The following EDA variants were observed in gnomAD, a reference collection of about 807,000 sequenced individuals.
The protein encoded by EDA is ectodysplasin A, also known as ectodysplasin-A.
In EDA, 2 loss-of-function variants were observed where a neutral mutation model predicts 23.6. That is an observed-to-expected ratio of 0.08 (90% CI 0.03 to 0.27). The LOEUF is 0.27. Ranked by LOEUF, EDA falls within the 10% of genes least tolerant of loss-of-function variation. EDA has a pLI of 1.00. For synonymous variants in EDA, 131 were observed against 132.0 expected (o/e 0.99, Z 0.05); for missense variants, 229 against 324.2 (o/e 0.71, Z 2.26).
chrX:69,994,192 A>C (rs1470043171), intron 2 of EDA, among the ~76,000 whole-genome samples: 1 of 111,835 alleles, frequency 8.9e-6, no homozygotes, highest in Non-Finnish European at 1.9e-5. Flanking sequence ...TTTGAGTCCT[A>C]ACTCTGCTTT....
chrX:69,712,282 A>G (rs1214570602), intron 1 of EDA, among the ~76,000 whole-genome samples: 1 of 111,579 alleles, frequency 9.0e-6, no homozygotes, highest in Non-Finnish European at 1.9e-5. Flanking sequence ...GAGTAATTAT[A>G]AATGGTAATG....
At chrX:69,927,343 G>C (rs1298232798) in intron 1 of EDA, among the ~76,000 whole-genome samples, 1 of 111,579 alleles carries the variant, frequency 9.0e-6, no homozygotes, top group African/African-American at 3.3e-5. Context: ...TGCAAGGCAG[G>C]CTGGCAATAA....
chrX:69,867,971 T>A (rs2147605086), intron 1 of EDA, among the ~76,000 whole-genome samples: 1 of 111,933 alleles, frequency 8.9e-6, no homozygotes, highest in South Asian at 3.8e-4. Context: ...TCAGGTCTCA[T>A]GGTGACTTGA....
chrX:69,715,216 T>A (rs6624431), intron 1 of EDA, among the ~76,000 whole-genome samples: 8,882 of 109,285 alleles, frequency 0.081, 984 homozygotes, highest in East Asian at 0.7. Flanking sequence ...CAAGAGTTAT[T>A]TTTTTCTGAT....
At chrX:69,772,272 T>G (rs572001370) in intron 1 of EDA, among the ~76,000 whole-genome samples, 2 of 111,638 alleles carry the variant, frequency 1.8e-5, no homozygotes, top group African/African-American at 6.5e-5. Context: ...TCAAGTACAT[T>G]TTATGTGTCA....
At chrX:70,000,238 G>A (rs946934560) in intron 2 of EDA, among the ~76,000 whole-genome samples, 2 of 112,093 alleles carry the variant, frequency 1.8e-5, no homozygotes, top group Non-Finnish European at 3.8e-5. Flanking sequence ...ATGTAATGGG[G>A]CAAGAAATTG....
chrX:69,869,100 C>T (rs748051405), intron 1 of EDA, among the ~76,000 whole-genome samples: 4 of 111,885 alleles, frequency 3.6e-5, no homozygotes, highest in African/African-American at 1.3e-4. Flanking sequence ...GCTCTAATGG[C>T]TTCCATTTGG....
At chrX:69,751,451 G>C (rs1157076912) in intron 1 of EDA, among the ~76,000 whole-genome samples, 3 of 112,302 alleles carry the variant, frequency 2.7e-5, no homozygotes, top group Non-Finnish European at 5.6e-5. Flanking sequence ...TTTGAAGTCA[G>C]GTAGCGCGAT....
At chrX:69,625,507 T>A (rs1381311355) in intron 1 of EDA, among the ~76,000 whole-genome samples, 3 of 108,685 alleles carry the variant, frequency 2.8e-5, no homozygotes, top group African/African-American at 1.0e-4. Flanking sequence ...GACTGAGAGG[T>A]CAAAAATAAA....
At chrX:69,856,693 T>C (rs1358128561) in intron 1 of EDA, among the ~76,000 whole-genome samples, 1 of 97,602 alleles carries the variant, frequency 1.0e-5, no homozygotes, top group Admixed American at 1.1e-4. Flanking sequence ...TGTCCTTAGC[T>C]TACTTTTTGA....
At chrX:69,636,632 GT>G (rs200303089) in intron 1 of EDA, among the ~76,000 whole-genome samples, 951 of 89,337 alleles carry the variant, frequency 0.011, 7 homozygotes, top group African/African-American at 0.029. Context: ...CTGGTTCATG[GT>G]TTTTTTTTTT....
intron 1 of EDA, among the ~76,000 whole-genome samples, chrX:69,902,392 A>G (rs1297374056): frequency 1.8e-5 from 2 of 111,303 alleles, no homozygotes; most frequent in Admixed American, 1.9e-4. Context: ...TTCCAAAGAG[A>G]TGGTGTAGAG....
chrX:69,957,121 A>C lies in EDA; in HGVS notation c.491A>C (p.Glu164Ala), dbSNP rs397516663. 91 of 1,205,355 alleles carry C rather than the reference A, an allele frequency of 7.5e-5. No homozygotes were observed. In the East Asian group the frequency reaches 2.3e-3, roughly 30 times the overall value. ...VRRNKRSKSN[E>A]GADGPVKNKK... ...CGCAATAAAAGAAGCAAAAGCAATG[A>C]AGGAGCAGATGGTAAGTCTACTCAG... Residue 164 changes from glutamate to alanine, a missense_variant, in exon 2 of 8, where the codon GAA becomes GCA. Transcript: ENST00000374552.
At chrX:69,911,342 A>T (rs2147654490) in intron 1 of EDA, among the ~76,000 whole-genome samples, 1 of 111,877 alleles carries the variant, frequency 8.9e-6, no homozygotes, top group East Asian at 2.8e-4. Flanking sequence ...ATAGCTGTAG[A>T]TGCCCACTCT....
intron 1 of EDA, among the ~76,000 whole-genome samples, chrX:69,797,862 A>G (rs2015579687): frequency 8.9e-6 from 1 of 112,219 alleles, no homozygotes; most frequent in Non-Finnish European, 1.9e-5. Flanking sequence ...CACATAAAAG[A>G]TATAGACTGG....
At chrX:69,644,557 C>T (rs183454004) in intron 1 of EDA, among the ~76,000 whole-genome samples, 76 of 111,435 alleles carry the variant, frequency 6.8e-4, no homozygotes, top group Non-Finnish European at 1.3e-3. Context: ...ATGTCATCTG[C>T]AAACAAAGAT....
chrX:69,892,367 G>A (rs1430093049), intron 1 of EDA, among the ~76,000 whole-genome samples: 2 of 111,604 alleles, frequency 1.8e-5, no homozygotes, highest in Non-Finnish European at 3.8e-5. Flanking sequence ...TTCTTGAGGT[G>A]TATTTTAATA....
intron 1 of EDA, among the ~76,000 whole-genome samples, chrX:69,710,818 C>A: frequency 9.2e-6 from 1 of 108,527 alleles, no homozygotes; most frequent in East Asian, 2.8e-4. Context: ...TATAAGAATG[C>A]TTGTGATTTT....
chrX:69,813,084 T>C (rs1264312706), intron 1 of EDA, among the ~76,000 whole-genome samples: 1 of 111,147 alleles, frequency 9.0e-6, no homozygotes, highest in Non-Finnish European at 1.9e-5. Context: ...CAGAGCACCA[T>C]TCAGTAATCC....
Sources: gnomAD v4.1 joint callset for allele counts (sites outside exome capture counted in the v4.1 genomes callset) on GRCh38, gnomAD v4.1.1 for gene constraint, MANE v1.5 for transcripts, NCBI Gene and HGNC (gene_info 2026-07-23, HGNC 2026-07-21) for gene names.